Variants in OSBPL1A observed in about 807,000 individuals in gnomAD.
The protein encoded by OSBPL1A is oxysterol binding protein like 1A, also known as oxysterol-binding protein-related protein 1.
Under a neutral mutation model 137.1 loss-of-function variants are expected in OSBPL1A, and 80 were observed. The ratio of observed to expected loss-of-function variants is 0.58; its 90% confidence interval spans 0.49 to 0.70. The LOEUF (loss-of-function observed/expected upper bound fraction) is 0.70, where lower values mean the gene tolerates loss of function less well. Ranked by LOEUF, OSBPL1A falls within the 30% of genes least tolerant of loss-of-function variation. OSBPL1A has a pLI of 0.00. For missense variants in OSBPL1A, 970 were observed against 1,129.4 expected (o/e 0.86, Z 2.02); for synonymous variants, 365 against 389.7 (o/e 0.94, Z 0.75).
intron 1 of OSBPL1A, among the ~76,000 whole-genome samples, chr18:24,384,111 A>C (rs566969596): frequency 2.0e-5 from 3 of 152,386 alleles, no homozygotes; most frequent in South Asian, 4.1e-4. Context: ...TTGAATAAGA[A>C]GTTCACCAAG....
rs778854233 is a variant in OSBPL1A at position 24,163,245 on chromosome 18, T to G, written c.2787A>C (p.Ala929=). 1.2e-6 allele frequency: 2 copies of G among 1,613,440 alleles called. No individual in the cohort carries two copies. ...FHQGPNPYNG[A]QDWIYSGSYW... Reference sequence around the variant, plus strand: ...AGCTGCCAGAGTAAATCCAGTCCTGTGCTCCATTGTAGGGATTAGGACCTT... The same window carrying G: ...AGCTGCCAGAGTAAATCCAGTCCTGGGCTCCATTGTAGGGATTAGGACCTT... The change falls in exon 28 of 28, where the codon GCA becomes GCC. Residue 929 remains alanine, a synonymous_variant. Coordinates refer to ENST00000319481, the MANE Select transcript of OSBPL1A (RefSeq NM_080597.4).
At chr18:24,252,418 A>T (rs1038594053) in intron 15 of OSBPL1A, among the ~76,000 whole-genome samples, 4 of 152,134 alleles carry the variant, frequency 2.6e-5, no homozygotes, top group African/African-American at 9.7e-5. Context: ...GAGTGGTGTG[A>T]TATATTTAAA....
chr18:24,281,640 C>G (rs1057192986), intron 14 of OSBPL1A, among the ~76,000 whole-genome samples: 4 of 152,184 alleles, frequency 2.6e-5, no homozygotes, highest in African/African-American at 9.7e-5. Flanking sequence ...ATCCGCCCAC[C>G]TCGGCCTTGC....
intron 1 of OSBPL1A, among the ~76,000 whole-genome samples, chr18:24,385,069 C>G (rs1013091367): frequency 1.3e-5 from 2 of 151,574 alleles, no homozygotes; most frequent in Non-Finnish European, 2.9e-5. Flanking sequence ...ATTCTCCTGC[C>G]TCAGCCTCCC....
At chr18:24,178,298 T>C in intron 20 of OSBPL1A, 103 bp from the exon 21 acceptor site, 1 of 1,103,908 alleles carries the variant, frequency 9.1e-7, no homozygotes, top group Non-Finnish European at 1.2e-6. Flanking sequence ...AACAATTCTT[T>C]TGTTGTTGTT....
intron 22 of OSBPL1A, 102 bp downstream of exon 22, chr18:24,172,274 C>G: frequency 1.1e-6 from 1 of 871,456 alleles, no homozygotes; most frequent in Non-Finnish European, 1.8e-6. Context: ...TCAGCCTGTT[C>G]TAGAGCTTTT....
At chr18:24,174,751 G>C (rs145144621) in intron 21 of OSBPL1A, among the ~76,000 whole-genome samples, 1 of 152,130 alleles carries the variant, frequency 6.6e-6, no homozygotes, top group African/African-American at 2.4e-5. Context: ...AATAACTGAT[G>C]CTGTTGAACA....
intron 17 of OSBPL1A, among the ~76,000 whole-genome samples, chr18:24,204,409 T>G (rs1389698283): frequency 1.3e-5 from 2 of 152,158 alleles, no homozygotes; most frequent in Non-Finnish European, 2.9e-5. Context: ...TTTTTGTATG[T>G]GATAGCTATT....
chr18:24,385,885 G>A (rs902797923), intron 1 of OSBPL1A, among the ~76,000 whole-genome samples: 1 of 152,170 alleles, frequency 6.6e-6, no homozygotes, highest in African/African-American at 2.4e-5. Context: ...AAGATTGTAA[G>A]GCAAGAGCCA....
intron 13 of OSBPL1A, among the ~76,000 whole-genome samples, chr18:24,310,263 T>C (rs2146110912): frequency 6.6e-6 from 1 of 151,032 alleles, no homozygotes; most frequent in Non-Finnish European, 1.5e-5. Context: ...ATAGTCGAGG[T>C]TGATGACCTG....
At chr18:24,310,509 G>A (rs1203138177) in intron 13 of OSBPL1A, among the ~76,000 whole-genome samples, 1 of 150,168 alleles carries the variant, frequency 6.7e-6, no homozygotes, top group Admixed American at 6.6e-5. Context: ...GGCTGAGGCA[G>A]GGGAATGGCG....
At chr18:24,301,037 A>G (rs1006921911) in intron 14 of OSBPL1A, among the ~76,000 whole-genome samples, 1 of 152,330 alleles carries the variant, frequency 6.6e-6, no homozygotes, top group Admixed American at 6.5e-5. Context: ...GTAAAAGACT[A>G]TCCTGTACAA....
chr18:24,221,036 C>T (rs1198076794), intron 17 of OSBPL1A, among the ~76,000 whole-genome samples: 6 of 152,136 alleles, frequency 3.9e-5, no homozygotes, highest in Admixed American at 3.9e-4. Context: ...CCGCCTCAGC[C>T]TCCCAAAGTA....
chr18:24,164,286 TC>T (rs2086088612), intron 27 of OSBPL1A, among the ~76,000 whole-genome samples: 1 of 152,104 alleles, frequency 6.6e-6, no homozygotes, highest in Non-Finnish European at 1.5e-5. Flanking sequence ...AAGATTATCG[TC>T]TTACACCAGT....
chr18:24,232,559 G>A (rs1372396363), intron 16 of OSBPL1A, among the ~76,000 whole-genome samples: 2 of 152,158 alleles, frequency 1.3e-5, no homozygotes, highest in Non-Finnish European at 2.9e-5. Flanking sequence ...GTGGGCTACT[G>A]GAAATCTTAC....
At chr18:24,275,858 G>T (rs916395496) in intron 15 of OSBPL1A, among the ~76,000 whole-genome samples, 9 of 152,030 alleles carry the variant, frequency 5.9e-5, no homozygotes, top group Non-Finnish European at 1.0e-4. Flanking sequence ...CTCCCGAGTA[G>T]CTGGGATTAC....
chr18:24,328,481 T>C (rs560466184), intron 7 of OSBPL1A, among the ~76,000 whole-genome samples: 9 of 152,190 alleles, frequency 5.9e-5, no homozygotes, highest in Admixed American at 4.6e-4. Context: ...ATTTCTGAAT[T>C]CTCTCCTCCT....
At chr18:24,248,180 T>C (rs1210300638) in intron 15 of OSBPL1A, among the ~76,000 whole-genome samples, 3 of 152,210 alleles carry the variant, frequency 2.0e-5, no homozygotes, top group Non-Finnish European at 4.4e-5. Context: ...TAATTGCTTC[T>C]GCTATCTCAG....
chr18:24,263,658 C>A (rs1189015680), intron 15 of OSBPL1A, among the ~76,000 whole-genome samples: 1 of 152,000 alleles, frequency 6.6e-6, no homozygotes, highest in Admixed American at 6.6e-5. Flanking sequence ...TTTTTTGAAA[C>A]GGAGTTGCAC....
Sources: allele counts gnomAD v4.1 joint callset (sites outside exome capture counted in the v4.1 genomes callset), GRCh38; gene constraint gnomAD v4.1.1; transcripts MANE v1.5; gene names NCBI Gene and HGNC (gene_info 2026-07-23, HGNC 2026-07-21).